The following SPAG16 variants were observed in gnomAD, a reference collection of about 807,000 sequenced individuals.
The protein encoded by SPAG16 is sperm associated antigen 16.
In SPAG16, 86 loss-of-function variants were observed where a neutral mutation model predicts 80.4. The observed-to-expected ratio is 1.07, with a 90% confidence interval of 0.90 to 1.28. The LOEUF is 1.28. SPAG16 is among the 50% of genes most tolerant of loss of function. SPAG16 has a pLI of 0.00. For synonymous variants in SPAG16, 294 were observed against 265.9 expected (o/e 1.11, Z -1.03); for missense variants, 870 against 765.3 (o/e 1.14, Z -1.61).
intron 10 of SPAG16, among the ~76,000 whole-genome samples, chr2:213,590,764 A>T (rs1034252879): frequency 6.6e-6 from 1 of 152,246 alleles, no homozygotes; most frequent in African/African-American, 2.4e-5. Context: ...TACTAAAATT[A>T]GAATTACTGT....
At chr2:213,721,591 C>T (rs994304875) in intron 10 of SPAG16, among the ~76,000 whole-genome samples, 7 of 152,272 alleles carry the variant, frequency 4.6e-5, no homozygotes, top group South Asian at 2.1e-4. Context: ...CCTCTTTAAA[C>T]GGTAATAACC....
chr2:214,108,376 T>G (rs968940426), intron 14 of SPAG16, 115 bp downstream of exon 14: 1 of 781,236 alleles, frequency 1.3e-6, no homozygotes, highest in Non-Finnish European at 2.1e-6. Flanking sequence ...AGAACAACTT[T>G]AGGAATTAGT....
chr2:214,225,443 G>T (rs1252974392), intron 15 of SPAG16, among the ~76,000 whole-genome samples: 2 of 152,074 alleles, frequency 1.3e-5, no homozygotes, highest in Admixed American at 6.6e-5. Flanking sequence ...AGCAGGGAAG[G>T]CAGGGACACA....
chr2:213,873,123 G>A (rs1037750639), intron 11 of SPAG16, among the ~76,000 whole-genome samples: 1 of 151,814 alleles, frequency 6.6e-6, no homozygotes, highest in Non-Finnish European at 1.5e-5. Flanking sequence ...GGAAGAATTT[G>A]TGAAGTAGTA....
chr2:213,832,354 C>G (rs950369113), intron 10 of SPAG16, among the ~76,000 whole-genome samples: 10 of 152,056 alleles, frequency 6.6e-5, no homozygotes, highest in Admixed American at 1.3e-4. Context: ...CCTTGGCATG[C>G]TGAATACTTT....
At chr2:214,144,107 A>G (rs2055509437) in intron 14 of SPAG16, among the ~76,000 whole-genome samples, 1 of 152,160 alleles carries the variant, frequency 6.6e-6, no homozygotes, top group East Asian at 1.9e-4. Flanking sequence ...ACAATATTGA[A>G]CTGCAGTCCA....
intron 15 of SPAG16, among the ~76,000 whole-genome samples, chr2:214,358,069 G>A (rs1004693942): frequency 6.6e-6 from 1 of 151,946 alleles, no homozygotes; most frequent in African/African-American, 2.4e-5. Context: ...TGAAGTGCAA[G>A]TTTTTCTCCA....
chr2:213,942,051 T>G (rs2079219961), intron 12 of SPAG16, among the ~76,000 whole-genome samples: 1 of 152,190 alleles, frequency 6.6e-6, no homozygotes, highest in Admixed American at 6.5e-5. Context: ...TTTTTTGCCC[T>G]TGATAATAGC....
intron 15 of SPAG16, among the ~76,000 whole-genome samples, chr2:214,258,471 G>GTGTGTGTATATATATATATATATATATA (rs1553539128): frequency 3.5e-5 from 5 of 141,414 alleles, no homozygotes; most frequent in African/African-American, 1.3e-4. Context: ...ATGTGTGTGT[G>GTGTGTGTATATATATATATATATATATA]TATATATATA....
chr2:213,500,544 G>A (rs762525469), intron 10 of SPAG16, among the ~76,000 whole-genome samples: 158 of 152,260 alleles, frequency 1.0e-3, no homozygotes, highest in Non-Finnish European at 1.5e-3. Context: ...CCTACCTTGT[G>A]TTCTAAACAT....
chr2:214,357,040 T>G (rs1698856348), intron 15 of SPAG16, among the ~76,000 whole-genome samples: 1 of 151,918 alleles, frequency 6.6e-6, no homozygotes, highest in African/African-American at 2.4e-5. Context: ...TTCAGCAGTT[T>G]GAAGACATCC....
chr2:214,201,444 T>G (rs898172692), intron 15 of SPAG16, among the ~76,000 whole-genome samples: 2 of 152,200 alleles, frequency 1.3e-5, no homozygotes, highest in African/African-American at 4.8e-5. Context: ...GCCTCATTAA[T>G]GCACAGTACA....
rs143834548 is a variant in SPAG16 at position 213,541,242 on chromosome 2, A to T, written c.1070+51152A>T. On this transcript the variant is annotated intron_variant, in intron 10 of 15. Coordinates refer to ENST00000331683, the MANE Select transcript of SPAG16 (RefSeq NM_024532.5). Reference sequence around the variant, plus strand: ...TTTGGGGAGAAAACCTGTAGTCTCTAGAGGAAAATCCCTCAAAAGCCTTAC... The same window carrying T: ...TTTGGGGAGAAAACCTGTAGTCTCTTGAGGAAAATCCCTCAAAAGCCTTAC... Among the ~76,000 whole-genome samples the T allele has an allele frequency of 3.4e-3, 521 of 152,290 alleles. 5 individuals are homozygous for T. Among genetic ancestry groups the T allele is most frequent in the African/African-American group, 0.012 (489 of 41,558 alleles).
intron 15 of SPAG16, among the ~76,000 whole-genome samples, chr2:214,179,587 T>G (rs185198156): frequency 4.9e-4 from 75 of 151,524 alleles, no homozygotes; most frequent in African/African-American, 1.6e-3. Context: ...GGTTGCTTTT[T>G]AGAGAATCAG....
chr2:214,303,666 C>G (rs559163433), intron 15 of SPAG16, among the ~76,000 whole-genome samples: 4 of 152,236 alleles, frequency 2.6e-5, no homozygotes, highest in African/African-American at 4.8e-5. Context: ...TAACAACACT[C>G]CTAGCAAGAT....
intron 10 of SPAG16, among the ~76,000 whole-genome samples, chr2:213,591,020 A>C (rs957055842): frequency 7.9e-5 from 12 of 152,240 alleles, no homozygotes; most frequent in Non-Finnish European, 1.8e-4. Context: ...GGAGGCCACT[A>C]TCCTAAGCAA....
intron 12 of SPAG16, among the ~76,000 whole-genome samples, chr2:213,989,807 G>T (rs1306473500): frequency 6.6e-6 from 1 of 152,012 alleles, no homozygotes. Context: ...TATATGATTT[G>T]CCTGTAGTTA....
At chr2:214,062,185 C>G (rs1012020539) in intron 13 of SPAG16, among the ~76,000 whole-genome samples, 1 of 151,818 alleles carries the variant, frequency 6.6e-6, no homozygotes, top group South Asian at 2.1e-4. Context: ...TTTGGGAGGC[C>G]GAAGTGGGCA....
intron 14 of SPAG16, among the ~76,000 whole-genome samples, chr2:214,113,760 G>A (rs904795706): frequency 2.0e-5 from 3 of 152,096 alleles, no homozygotes; most frequent in African/African-American, 7.2e-5. Flanking sequence ...CTTGTGATGG[G>A]TTTGAACATC....
Sources: gnomAD v4.1 joint callset for allele counts (sites outside exome capture counted in the v4.1 genomes callset) on GRCh38, gnomAD v4.1.1 for gene constraint, MANE v1.5 for transcripts, NCBI Gene and HGNC (gene_info 2026-07-23, HGNC 2026-07-21) for gene names.